The following ZNF148 variants were observed in gnomAD, a reference collection of about 807,000 sequenced individuals.
ZNF148 encodes zinc finger protein 148.
Under a neutral mutation model 67.7 loss-of-function variants are expected in ZNF148, and 7 were observed. The ratio of observed to expected loss-of-function variants is 0.10; its 90% CI spans 0.06 to 0.19. The LOEUF (loss-of-function observed/expected upper bound fraction) is 0.19, where lower values mean the gene tolerates loss of function less well. Ranked by LOEUF, ZNF148 falls within the 10% of genes least tolerant of loss-of-function variation. ZNF148 has a pLI of 1.00. For synonymous variants in ZNF148, 333 were observed against 330.7 expected, an observed-to-expected ratio of 1.01 and a Z score of -0.08; for missense variants, 583 against 947.1, an observed-to-expected ratio of 0.62 and a Z score of 5.05.
At chr3:125,265,981 T>C (rs1937521501) in intron 7 of ZNF148, among the ~76,000 whole-genome samples, 1 of 152,170 alleles carries the variant, frequency 6.6e-6, no homozygotes, top group South Asian at 2.1e-4. Flanking sequence ...AAGAAGGTCA[T>C]TTTATAATGA....
chr3:125,348,480 C>CAAAA (rs35810148), intron 1 of ZNF148, among the ~76,000 whole-genome samples: 5 of 60,708 alleles, frequency 8.2e-5, no homozygotes, highest in Non-Finnish European at 1.2e-4. Context: ...GACCCTGTCT[C>CAAAA]AAAAAAAAAA....
At chr3:125,333,471 C>A (rs1941370937) in intron 1 of ZNF148, among the ~76,000 whole-genome samples, 1 of 152,308 alleles carries the variant, frequency 6.6e-6, no homozygotes, top group African/African-American at 2.4e-5. Flanking sequence ...TTAGCATCAT[C>A]TACTAATTTC....
chr3:125,288,327 G>T (rs1162854771), intron 4 of ZNF148, 99 bp from the exon 5 acceptor site: 1 of 1,274,888 alleles, frequency 7.8e-7, no homozygotes, highest in Non-Finnish European at 1.1e-6. Context: ...CCACATACAG[G>T]TGCTTCCAGA....
intron 7 of ZNF148, among the ~76,000 whole-genome samples, chr3:125,259,651 C>T (rs1374892055): frequency 1.3e-5 from 2 of 152,110 alleles, no homozygotes; most frequent in African/African-American, 2.4e-5. Flanking sequence ...AACCAATGTA[C>T]ATTATCACAA....
At chr3:125,336,246 G>A (rs1355505291) in intron 1 of ZNF148, among the ~76,000 whole-genome samples, 1 of 152,124 alleles carries the variant, frequency 6.6e-6, no homozygotes, top group Non-Finnish European at 1.5e-5. Flanking sequence ...AGCACACATG[G>A]CATAAGAATC....
chr3:125,350,474 G>A (rs1019085047), intron 1 of ZNF148, among the ~76,000 whole-genome samples: 1 of 152,142 alleles, frequency 6.6e-6, no homozygotes, highest in African/African-American at 2.4e-5. Context: ...ATGGATTTTT[G>A]AGGAAATATT....
chr3:125,286,262 G>A (rs1050055302), intron 5 of ZNF148, among the ~76,000 whole-genome samples: 3 of 151,900 alleles, frequency 2.0e-5, no homozygotes, highest in Non-Finnish European at 4.4e-5. Context: ...GGAGGGAGAG[G>A]GAAGAAAAGA....
intron 4 of ZNF148, 115 bp from the exon 5 acceptor site, chr3:125,288,343 G>A: frequency 9.1e-7 from 1 of 1,094,588 alleles, no homozygotes; most frequent in Non-Finnish European, 1.3e-6. Context: ...CCAGAATGAT[G>A]ATCTATGTGT....
intron 1 of ZNF148, among the ~76,000 whole-genome samples, chr3:125,355,478 T>C (rs1231030876): frequency 2.0e-5 from 3 of 152,214 alleles, no homozygotes; most frequent in Non-Finnish European, 4.4e-5. Flanking sequence ...TTGAGAACTA[T>C]TGCATTCGAT....
chr3:125,260,260 T>G (rs544430987), intron 7 of ZNF148, among the ~76,000 whole-genome samples: 1 of 152,016 alleles, frequency 6.6e-6, no homozygotes, highest in East Asian at 1.9e-4. Context: ...GGAAACATGA[T>G]GCTGACAGAC....
In ZNF148 at chr3:125,226,427, T is replaced by C. The variant is rs1935639563; in HGVS notation, c.*5914A>G. 1 of 152,484 alleles carries C rather than the reference T, an allele frequency of 6.6e-6. No homozygotes were observed. Among genetic ancestry groups the C allele is most frequent in the South Asian group, 2.1e-4 (1 of 4,832 alleles). The allele number at this position is 152,484 out of a possible 1,614,324, so 9.4% of individuals were successfully genotyped here. On this transcript the variant is annotated 3_prime_UTR_variant, in exon 9 of 9. Transcript: ENST00000360647. Reference sequence around the variant, plus strand: ...AGTGTCCACATTTAAAATGCAGAATTTGCAAATATTAGTCTAATAATTCAA... The same window carrying C: ...AGTGTCCACATTTAAAATGCAGAATCTGCAAATATTAGTCTAATAATTCAA...
chr3:125,323,833 G>A (rs1045679299), intron 2 of ZNF148, among the ~76,000 whole-genome samples: 6 of 151,974 alleles, frequency 3.9e-5, no homozygotes, highest in Admixed American at 6.6e-5. Context: ...GGCAGCCGGC[G>A]CCTGTAATCC....
At chr3:125,260,827 A>G (rs1482275176) in intron 7 of ZNF148, among the ~76,000 whole-genome samples, 1 of 152,250 alleles carries the variant, frequency 6.6e-6, no homozygotes, top group Admixed American at 6.5e-5. Flanking sequence ...AACTACCTAT[A>G]CATACCTAAA....
At chr3:125,365,988 AC>A (rs2107790864) in intron 1 of ZNF148, among the ~76,000 whole-genome samples, 2 of 152,114 alleles carry the variant, frequency 1.3e-5, no homozygotes, top group Non-Finnish European at 2.9e-5. Flanking sequence ...TTGTTTTCTA[AC>A]TGGTCTTTTC....
Position 125,321,868 on chromosome 3 carries a change from T to A in ZNF148, c.-17+1441A>T, listed in dbSNP as rs1940787883. Among the ~76,000 whole-genome samples, 3 of 151,940 alleles carry A rather than the reference T, an allele frequency of 2.0e-5. No homozygotes were observed. The South Asian group carries it at 6.2e-4, about 32-fold the overall frequency. On this transcript the variant is annotated intron_variant, in intron 3 of 8. Coordinates refer to ENST00000360647, the MANE Select transcript of ZNF148 (RefSeq NM_021964.3). Reference sequence around the variant, plus strand: ...AATTTCCCTGTATACTATGAACAAATGTTAAACACCTAATTTTTTTTTTTA... The same window carrying A: ...AATTTCCCTGTATACTATGAACAAAAGTTAAACACCTAATTTTTTTTTTTA...
chr3:125,339,201 T>C (rs1941618408), intron 1 of ZNF148, among the ~76,000 whole-genome samples: 1 of 152,196 alleles, frequency 6.6e-6, no homozygotes, highest in South Asian at 2.1e-4. Context: ...TCTATTAATG[T>C]ACGGTGAACA....
chr3:125,308,582 C>T (rs1407484529), intron 4 of ZNF148, among the ~76,000 whole-genome samples: 1 of 143,832 alleles, frequency 7.0e-6, no homozygotes, highest in Admixed American at 6.9e-5. Context: ...TATGAAAATG[C>T]AAAGGACCTA....
chr3:125,347,756 C>A (rs1274990194), intron 1 of ZNF148, among the ~76,000 whole-genome samples: 3 of 151,916 alleles, frequency 2.0e-5, no homozygotes, highest in African/African-American at 7.3e-5. Context: ...GACTCGAACT[C>A]CTGGGCTCAA....
chr3:125,264,612 T>A (rs1169593881), intron 7 of ZNF148, among the ~76,000 whole-genome samples: 3 of 152,190 alleles, frequency 2.0e-5, no homozygotes, highest in Non-Finnish European at 4.4e-5. Context: ...CAGAGTTCCA[T>A]CAAAAAAAGT....
Sources: gnomAD v4.1 joint callset for allele counts (sites outside exome capture counted in the v4.1 genomes callset) on GRCh38, gnomAD v4.1.1 for gene constraint, MANE v1.5 for transcripts, NCBI Gene and HGNC (gene_info 2026-07-23, HGNC 2026-07-21) for gene names.